Variants in PCDH7 observed in about 807,000 individuals in gnomAD.
PCDH7 encodes the protein protocadherin-7.
A neutral mutation model predicts 58.9 loss-of-function variants in PCDH7; 17 were observed. The ratio of observed to expected loss-of-function variants is 0.29; its 90% CI spans 0.20 to 0.43. PCDH7 has a LOEUF of 0.43. PCDH7 is among the 20% of genes least tolerant of loss of function. The probability of loss-of-function intolerance (pLI) is 1.00; values close to 1 mark genes in which losing one functional copy is unlikely to be tolerated. For missense variants in PCDH7, 1,274 were observed against 1,441.0 expected (o/e 0.88, Z 1.88); for synonymous variants, 664 against 616.4 (o/e 1.08, Z -1.14).
intron 1 of PCDH7, among the ~76,000 whole-genome samples, chr4:30,889,608 G>T (rs1578182946): frequency 6.6e-6 from 1 of 152,242 alleles, no homozygotes; most frequent in East Asian, 1.9e-4. Flanking sequence ...ACCCATCAGA[G>T]TTCTAGAGGC....
intron 1 of PCDH7, among the ~76,000 whole-genome samples, chr4:30,873,673 G>T (rs1735904594): frequency 6.6e-6 from 1 of 151,950 alleles, no homozygotes; most frequent in African/African-American, 2.4e-5. Flanking sequence ...GGTCAAAACT[G>T]AGTATTTTGC....
chr4:31,139,204 G>A lies in PCDH7; in HGVS notation c.*8-3269G>A, dbSNP rs150552797. Among the ~76,000 whole-genome samples the A allele has an allele frequency of 4.3e-4, 65 of 152,120 alleles. 1 individual carries two copies. The highest frequency in any genetic ancestry group is 1.5e-3 in the African/African-American group (62 of 41,506). Reference sequence around the variant, plus strand: ...GTTTGATATGATTGATGGGGTATGCGGGCGTTGAGAAATACAGAAACAACA... The same window carrying A: ...GTTTGATATGATTGATGGGGTATGCAGGCGTTGAGAAATACAGAAACAACA... On this transcript the variant is annotated intron_variant, in intron 3 of 3. Transcript: ENST00000509759.
chr4:30,771,617 G>A (rs1721411292), intron 1 of PCDH7, among the ~76,000 whole-genome samples: 1 of 152,074 alleles, frequency 6.6e-6, no homozygotes, highest in South Asian at 2.1e-4. Context: ...TTTAAATTTT[G>A]TTTTGCAAGA....
chr4:31,126,015 G>T (rs1007070050), intron 3 of PCDH7, among the ~76,000 whole-genome samples: 3 of 152,094 alleles, frequency 2.0e-5, no homozygotes, highest in African/African-American at 7.2e-5. Context: ...CTCAGCAGAT[G>T]CAAGCTCTTG....
intron 1 of PCDH7, among the ~76,000 whole-genome samples, chr4:30,727,450 G>A (rs183943650): frequency 1.3e-5 from 2 of 152,078 alleles, no homozygotes; most frequent in African/African-American, 4.8e-5. Flanking sequence ...TAGGAAATGT[G>A]TGTGGTAGAG....
At chr4:30,998,239 G>A (rs944339460) in intron 3 of PCDH7, among the ~76,000 whole-genome samples, 12 of 152,132 alleles carry the variant, frequency 7.9e-5, no homozygotes, top group African/African-American at 2.9e-4. Context: ...AGTAGATCAT[G>A]GTAGATGAAA....
Position 30,722,767 on chromosome 4 carries a change from G to T in PCDH7, c.1345G>T (p.Asp449Tyr). Reference sequence around the variant, plus strand: ...CCCCATCGCTCTGGTGCAGGTGTCCGACCGAGACCAAGGCGAGAACGGGGT... The same window carrying T: ...CCCCATCGCTCTGGTGCAGGTGTCCTACCGAGACCAAGGCGAGAACGGGGT... The change falls in exon 1 of 2, where the codon GAC becomes TAC. Residue 449 changes from aspartate (D) to tyrosine (Y), a missense_variant. Physicochemically the swap from Asp to Tyr is radical, Grantham distance 160. Around this residue, in one of 3 missense-constraint regions of PCDH7, gnomAD observed 731 missense variants for 881.9 expected, o/e 0.83. Coordinates refer to ENST00000361762, the Ensembl canonical transcript of PCDH7. The surrounding 1 kb of genome is among the most constrained non-coding windows in gnomAD (Gnocchi z 7.6). The T allele has an allele frequency of 6.2e-7, 1 of 1,613,534 alleles. No homozygotes were observed. The highest frequency in any genetic ancestry group is 1.1e-5 in the South Asian group (1 of 91,074).
intron 3 of PCDH7, among the ~76,000 whole-genome samples, chr4:31,057,031 G>A (rs920396423): frequency 4.6e-5 from 7 of 152,202 alleles, no homozygotes; most frequent in Non-Finnish European, 7.4e-5. Context: ...GAAAAAATGC[G>A]TTATTAAATA....
At chr4:31,022,796 C>T (rs1754131504) in intron 3 of PCDH7, among the ~76,000 whole-genome samples, 1 of 152,092 alleles carries the variant, frequency 6.6e-6, no homozygotes, top group Non-Finnish European at 1.5e-5. Context: ...AAACTTGGCC[C>T]TTGTCTTTCA....
intron 3 of PCDH7, among the ~76,000 whole-genome samples, chr4:31,042,428 T>G (rs1755947168): frequency 6.6e-6 from 1 of 152,188 alleles, no homozygotes; most frequent in Admixed American, 6.6e-5. Context: ...TTGATTTTTT[T>G]GATGAACAGT....
intron 1 of PCDH7, among the ~76,000 whole-genome samples, chr4:30,799,857 C>CTTTT (rs759901691): frequency 6.9e-6 from 1 of 144,382 alleles, no homozygotes; most frequent in Non-Finnish European, 1.5e-5. Flanking sequence ...ATGAATATCA[C>CTTTT]TTTTTTTTTT....
chr4:30,724,155 C>T (rs1714249129), exon 1 of PCDH7: 1 of 1,613,784 alleles, frequency 6.2e-7, no homozygotes, highest in Non-Finnish European at 8.5e-7. Flanking sequence ...ATAAAAATGG[C>T]TATGAAGCCG....
chr4:30,862,298 T>C (rs1480787037), intron 1 of PCDH7, among the ~76,000 whole-genome samples: 1 of 152,160 alleles, frequency 6.6e-6, no homozygotes, highest in Admixed American at 6.5e-5. Flanking sequence ...ATGCCAACAG[T>C]GTGAAATTCT....
At chr4:31,011,215 G>T (rs1232472960) in intron 3 of PCDH7, among the ~76,000 whole-genome samples, 4 of 151,954 alleles carry the variant, frequency 2.6e-5, no homozygotes, top group African/African-American at 9.7e-5. Flanking sequence ...ATTCATAAAA[G>T]AAATTAAATT....
chr4:31,044,100 A>G lies in PCDH7; in HGVS notation c.*7+93885A>G, dbSNP rs893964361. On this transcript the variant is annotated intron_variant, in intron 3 of 3. Transcript: ENST00000509759. ...ACAACTTCTGTTTATTTAAATACAT[A>G]AATAGGTCAGTAAGTAAGTAAATAA... 5.9e-5 allele frequency among the ~76,000 whole-genome samples: 9 copies of G among 152,242 alleles called. No homozygotes were observed. The South Asian group carries it at 1.7e-3, about 28-fold the overall frequency.
At chr4:30,929,134 A>G (rs1318515232) in intron 2 of PCDH7, among the ~76,000 whole-genome samples, 2 of 152,148 alleles carry the variant, frequency 1.3e-5, no homozygotes, top group Non-Finnish European at 2.9e-5. Context: ...AGTCATTGTT[A>G]TTTATTTTCA....
At chr4:31,040,270 C>T (rs1404949161) in intron 3 of PCDH7, among the ~76,000 whole-genome samples, 1 of 152,144 alleles carries the variant, frequency 6.6e-6, no homozygotes, top group Admixed American at 6.6e-5. Context: ...TTCTTCCCCA[C>T]TCTTCCCTGA....
chr4:31,004,035 G>T (rs900233838), intron 3 of PCDH7, among the ~76,000 whole-genome samples: 2 of 152,134 alleles, frequency 1.3e-5, no homozygotes, highest in Non-Finnish European at 2.9e-5. Flanking sequence ...CCAGATGAGT[G>T]AATGTCCTAA....
At chr4:30,941,674 T>C (rs1379408097) in intron 2 of PCDH7, among the ~76,000 whole-genome samples, 1 of 151,922 alleles carries the variant, frequency 6.6e-6, no homozygotes, top group Non-Finnish European at 1.5e-5. Flanking sequence ...AGTGGAAATA[T>C]AGAAATTCTC....
Sources: allele counts gnomAD v4.1 joint callset (sites outside exome capture counted in the v4.1 genomes callset), GRCh38; gene constraint gnomAD v4.1.1; regional missense constraint gnomAD v4.1.1; non-coding constraint Gnocchi (gnomAD v3.1); transcripts MANE v1.5; gene names NCBI Gene and HGNC (gene_info 2026-07-23, HGNC 2026-07-21).